The following AKAP6 variants were observed in gnomAD, a reference collection of about 807,000 sequenced individuals.
AKAP6 encodes A-kinase anchoring protein 6.
Under a neutral mutation model 188.5 loss-of-function variants are expected in AKAP6, and 58 were observed. The ratio of observed to expected loss-of-function variants is 0.31; its 90% CI spans 0.25 to 0.38. The LOEUF (loss-of-function observed/expected upper bound fraction) is 0.38. Among genes scored for constraint, AKAP6 ranks in the 10% least tolerant of loss-of-function variants. The probability of loss-of-function intolerance (pLI) is 1.00; values close to 1 mark genes in which losing one functional copy is unlikely to be tolerated. For synonymous variants in AKAP6, 989 were observed against 998.6 expected, an observed-to-expected ratio of 0.99 and a Z score of 0.18; for missense variants, 2,710 against 2,740.0, an observed-to-expected ratio of 0.99 and a Z score of 0.24.
At chr14:32,785,291 AC>A (rs1274471777) in intron 12 of AKAP6, among the ~76,000 whole-genome samples, 4 of 152,346 alleles carry the variant, frequency 2.6e-5, no homozygotes, top group African/African-American at 9.6e-5. Context: ...ATGAGAAATA[AC>A]AGAATAAAGA....
chr14:32,473,265 G>A (rs1878878488), intron 2 of AKAP6, among the ~76,000 whole-genome samples: 1 of 152,172 alleles, frequency 6.6e-6, no homozygotes, highest in Non-Finnish European at 1.5e-5. Context: ...AATGAGGTGT[G>A]GCCCTCAGAC....
At position 32,437,791 on chromosome 14, in the gene AKAP6, G is replaced by A. The variant is rs111783038; in HGVS notation, c.324+3974G>A. ...TTTGTATTTTGTGTAGTAGAGATGG[G>A]ATTTCACCATGTTGCCCAGGCTGGT... On this transcript the variant is annotated intron_variant, in intron 2 of 13. Coordinates refer to ENST00000280979, the MANE Select transcript of AKAP6 (RefSeq NM_004274.5). Among the ~76,000 whole-genome samples, 905 of 152,212 alleles carry A rather than the reference G, an allele frequency of 5.9e-3. 6 individuals are homozygous for A. The highest frequency in any genetic ancestry group is 0.021 in the African/African-American group (873 of 41,526).
chr14:32,492,975 G>A (rs1273237764), intron 2 of AKAP6, among the ~76,000 whole-genome samples: 2 of 152,158 alleles, frequency 1.3e-5, no homozygotes, highest in African/African-American at 4.8e-5. Flanking sequence ...CTTTGACTAT[G>A]GGATGTGTCT....
At chr14:32,567,451 G>A (rs17414154) in intron 4 of AKAP6, among the ~76,000 whole-genome samples, 8,130 of 152,110 alleles carry the variant, frequency 0.053, 264 homozygotes, top group Middle Eastern at 0.065. Flanking sequence ...CTGATTTGCC[G>A]CCCTGAAGCT....
Position 32,831,425 on chromosome 14 carries a change from C to T in AKAP6, c.*1620C>T. ...ACATGGACACAACTAGAAAGAGGTACAATGCAATATAAAGTCACAATAGAT... is the reference window on the plus strand; with the variant it reads ...ACATGGACACAACTAGAAAGAGGTATAATGCAATATAAAGTCACAATAGAT... On this transcript the variant is annotated 3_prime_UTR_variant, in exon 14 of 14. Transcript: ENST00000280979. The T allele has an allele frequency of 6.6e-6, 1 of 152,086 alleles. No homozygotes were observed. The highest frequency in any genetic ancestry group is 1.9e-4 in the East Asian group (1 of 5,202). The allele number at this position is 152,086 out of a possible 1,614,324, so 9.4% of individuals were successfully genotyped here.
chr14:32,705,285 C>G (rs1890766886), intron 9 of AKAP6, among the ~76,000 whole-genome samples: 1 of 151,952 alleles, frequency 6.6e-6, no homozygotes, highest in African/African-American at 2.4e-5. Context: ...GGGGAAGGCG[C>G]AGGAGAATGA....
chr14:32,649,340 T>A (rs990008821), intron 7 of AKAP6, among the ~76,000 whole-genome samples: 3 of 152,210 alleles, frequency 2.0e-5, no homozygotes, highest in Non-Finnish European at 2.9e-5. Flanking sequence ...CACAGCCATT[T>A]AACTTCTGTC....
intron 2 of AKAP6, among the ~76,000 whole-genome samples, chr14:32,487,772 T>A (rs1463159879): frequency 1.3e-5 from 2 of 152,242 alleles, no homozygotes; most frequent in East Asian, 3.8e-4. Flanking sequence ...GCTTTCTGTT[T>A]GTTAGTTTTC....
At chr14:32,390,770 A>G (rs1304954952) in intron 1 of AKAP6, among the ~76,000 whole-genome samples, 1 of 152,092 alleles carries the variant, frequency 6.6e-6, no homozygotes, top group Non-Finnish European at 1.5e-5. Flanking sequence ...CTGCAGGAGC[A>G]ATGTGTTGCC....
intron 1 of AKAP6, among the ~76,000 whole-genome samples, chr14:32,404,698 A>ATATATATATATCT (rs1249059579): frequency 2.4e-5 from 3 of 126,794 alleles, no homozygotes; most frequent in Non-Finnish European, 3.4e-5. Flanking sequence ...GGAGATATAT[A>ATATATATATATCT]TATATATATA....
rs1016310361 is a variant in AKAP6 at position 32,829,914 on chromosome 14, C to T, written c.*109C>T. ...CCTGGGCTGGCCTCTGGTTCCATCA[C>T]GTTTGTCACTGCCGTTTATTACATT... On this transcript the variant is annotated 3_prime_UTR_variant, in exon 14 of 14. Coordinates refer to ENST00000280979, the MANE Select transcript of AKAP6 (RefSeq NM_004274.5). The T allele has an allele frequency of 8.5e-6, 6 of 702,734 alleles. No individual in the cohort carries two copies. Among genetic ancestry groups the T allele is most frequent in the Admixed American group, 2.0e-5 (1 of 50,002 alleles). 43.5% of individuals were successfully genotyped at this position (702,734 alleles called of 1,614,324 possible). A position where few individuals can be genotyped will look rare whatever the true frequency, so the allele number is the denominator to read the frequency against.
rs1251126699 is a variant in AKAP6 at position 32,546,120 on chromosome 14, T to C, written c.1467T>C (p.Tyr489=). ...SSSLGRLNDC[Y]KEKSRLKKPH... ...GCCTGGGAAGGCTTAACGACTGCTA[T>C]AAAGAGAAATCTCGACTTAAAAAGC... The change falls in exon 4 of 14, where the codon TAT becomes TAC. Residue 489 remains tyrosine, a synonymous_variant. Transcript: ENST00000280979. The C allele has an allele frequency of 5.0e-6, 8 of 1,613,852 alleles. No individual in the cohort carries two copies. Among genetic ancestry groups the C allele is most frequent in the African/African-American group, 1.3e-5 (1 of 74,858 alleles).
chr14:32,815,775 G>A (rs991550), intron 12 of AKAP6, among the ~76,000 whole-genome samples: 138,287 of 152,254 alleles, frequency 0.91, 62,880 homozygotes, highest in East Asian at 1. Flanking sequence ...TTCCACCCCT[G>A]CTGTGTACCG....
At position 32,510,358 on chromosome 14, in the gene AKAP6, ATATATATGTG is replaced by A. The variant is rs1402282215; in HGVS notation, c.325-25188_325-25179del. On this transcript the variant is annotated intron_variant, in intron 2 of 13. Coordinates refer to ENST00000280979, the MANE Select transcript of AKAP6 (RefSeq NM_004274.5). The stretch of plus-strand genomic sequence containing the variant: ...TATATAAGTAAACATATGGATACAT[ATATATATGTG>A]TATATATATGTGTATATATATATGT... Among the ~76,000 whole-genome samples the A allele has an allele frequency of 2.5e-4, 31 of 121,906 alleles. 1 individual carries two copies. The highest frequency in any genetic ancestry group is 6.8e-4 in the East Asian group (3 of 4,418). The allele number at this position is 121,906 out of a possible 152,430, so 80.0% of individuals were successfully genotyped here.
At chr14:32,818,474 C>G (rs2034441899) in intron 12 of AKAP6, among the ~76,000 whole-genome samples, 2 of 151,934 alleles carry the variant, frequency 1.3e-5, no homozygotes. Context: ...TCATACAATG[C>G]CTACACATCA....
chr14:32,658,687 T>C (rs890547716), intron 7 of AKAP6, among the ~76,000 whole-genome samples: 2 of 151,654 alleles, frequency 1.3e-5, no homozygotes, highest in African/African-American at 4.8e-5. Flanking sequence ...ATTAACTGCA[T>C]TGAAAACTTA....
Position 32,693,331 on chromosome 14 carries a change from C to T in AKAP6, c.2880-2659C>T, listed in dbSNP as rs145870025. 508 of 152,296 alleles carry T rather than the reference C, an allele frequency of 3.3e-3. 1 individual carries two copies. Among genetic ancestry groups the T allele is most frequent in the Non-Finnish European group, 5.5e-3 (377 of 68,056 alleles). The allele number at this position is 152,296 out of a possible 1,614,324, so 9.4% of individuals were successfully genotyped here. A position where few individuals can be genotyped will look rare whatever the true frequency, so the allele number is the denominator to read the frequency against. ...TCTGGATTGAGAGGCCCACCTGGCTCTCCTTTTGTTGGGGAGAGGCCGTCA... is the reference window on the plus strand; with the variant it reads ...TCTGGATTGAGAGGCCCACCTGGCTTTCCTTTTGTTGGGGAGAGGCCGTCA... On this transcript the variant is annotated intron_variant, in intron 8 of 13. Coordinates refer to ENST00000280979, the MANE Select transcript of AKAP6 (RefSeq NM_004274.5).
chr14:32,786,296 A>ATGTTTTTTTTTTTTTGTTTTTTTTTTTTT lies in AKAP6; in HGVS notation c.3588+12404_3588+12405insGTTTTTTTTTTTTTGTTTTTTTTTTTTTT. The stretch of plus-strand genomic sequence containing the variant: ...AGCCCTCTGAAAGACCTAAACCTTT[A>ATGTTTTTTTTTTTTTGTTTTTTTTTTTTT]TCTTTTTTTTTTTTTTTTTTTTTTT... On this transcript the variant is annotated intron_variant, in intron 12 of 13. Transcript: ENST00000280979. 6.4e-5 allele frequency among the ~76,000 whole-genome samples: 6 copies of ATGTTTTTTTTTTTTTGTTTTTTTTTTTTT among 93,704 alleles called. 1 individual carries two copies. The highest frequency in any genetic ancestry group is 1.3e-4 in the Admixed American group (1 of 7,918). 61.5% of individuals were successfully genotyped at this position (93,704 alleles called of 152,430 possible).
Position 32,823,844 on chromosome 14 carries a change from A to T in AKAP6, c.6031A>T (p.Met2011Leu), listed in dbSNP as rs2034600848. ...ALKSSDDAPS[M>L]AGKSAGCCLA... The stretch of plus-strand genomic sequence containing the variant: ...GAAATCATCTGATGATGCACCGAGT[A>T]TGGCTGGAAAATCTGCTGGTTGTTG... The change falls in exon 13 of 14, where the codon ATG (methionine) becomes TTG (leucine). Residue 2011 changes from methionine (M) to leucine (L), a missense_variant. By Grantham distance (15) the Met-to-Leu change is conservative (BLOSUM62 2). This residue lies in a region of AKAP6 where 2,473 missense variants were observed against 2,426.1 expected (regional missense o/e 1.02). Coordinates refer to ENST00000280979, the MANE Select transcript of AKAP6 (RefSeq NM_004274.5). 1 of 1,613,672 alleles carries T rather than the reference A, an allele frequency of 6.2e-7. No individual in the cohort carries two copies. The highest frequency in any genetic ancestry group is 8.5e-7 in the Non-Finnish European group (1 of 1,179,902).
Sources: allele counts gnomAD v4.1 joint callset (sites outside exome capture counted in the v4.1 genomes callset), GRCh38; gene constraint gnomAD v4.1.1; regional missense constraint gnomAD v4.1.1; transcripts MANE v1.5; gene names NCBI Gene and HGNC (gene_info 2026-07-23, HGNC 2026-07-21).